Variants in ARHGAP28 observed in about 807,000 individuals in gnomAD.
ARHGAP28 encodes Rho GTPase activating protein 28.
A neutral mutation model predicts 90.7 loss-of-function variants in ARHGAP28; 56 were observed. The observed-to-expected ratio is 0.62, with a 90% confidence interval of 0.50 to 0.77. ARHGAP28 has a LOEUF of 0.77. Among genes scored for constraint, ARHGAP28 ranks in the 30% least tolerant of loss-of-function variants. The pLI, the probability that ARHGAP28 is intolerant of heterozygous loss-of-function variation, is 0.00. For synonymous variants in ARHGAP28, 308 were observed against 323.3 expected, an observed-to-expected ratio of 0.95 and a Z score of 0.51; for missense variants, 869 against 900.9, an observed-to-expected ratio of 0.96 and a Z score of 0.45.
chr18:6,827,518 C>T (rs1404546546), intron 2 of ARHGAP28, among the ~76,000 whole-genome samples: 9 of 138,118 alleles, frequency 6.5e-5, no homozygotes, highest in South Asian at 2.5e-4. Flanking sequence ...ACCTCCCGGA[C>T]GGGGCGGCTG....
intron 16 of ARHGAP28, among the ~76,000 whole-genome samples, chr18:6,903,490 C>G (rs1391367151): frequency 6.6e-6 from 1 of 151,982 alleles, no homozygotes; most frequent in Non-Finnish European, 1.5e-5. Context: ...ACAAACAAAG[C>G]CATACAAAGC....
chr18:6,878,805 G>T (rs1021388835), intron 10 of ARHGAP28, among the ~76,000 whole-genome samples: 1 of 152,156 alleles, frequency 6.6e-6, no homozygotes, highest in Middle Eastern at 3.2e-3. Flanking sequence ...AACAGAAACC[G>T]GGAAACACTG....
At chr18:6,772,478 A>G (rs920562443) in intron 1 of ARHGAP28, among the ~76,000 whole-genome samples, 4 of 152,218 alleles carry the variant, frequency 2.6e-5, no homozygotes, top group Non-Finnish European at 4.4e-5. Flanking sequence ...TGTAGAGACC[A>G]TACTTGGAGT....
intron 1 of ARHGAP28, among the ~76,000 whole-genome samples, chr18:6,814,347 T>G (rs1600209677): frequency 6.6e-6 from 1 of 152,138 alleles, no homozygotes; most frequent in East Asian, 1.9e-4. Flanking sequence ...ACCAAGCAGG[T>G]AGAGAGATTG....
chr18:6,798,789 A>G (rs2056461020), intron 1 of ARHGAP28, among the ~76,000 whole-genome samples: 1 of 152,204 alleles, frequency 6.6e-6, no homozygotes, highest in Non-Finnish European at 1.5e-5. Context: ...GAATTCAACC[A>G]TGTAACCAAA....
At chr18:6,814,247 G>C in intron 1 of ARHGAP28, among the ~76,000 whole-genome samples, 1 of 152,188 alleles carries the variant, frequency 6.6e-6, no homozygotes, top group East Asian at 1.9e-4. Flanking sequence ...GAGGGCCCAT[G>C]AGGAGGAAAG....
At chr18:6,760,188 G>T (rs1203161993) in intron 1 of ARHGAP28, among the ~76,000 whole-genome samples, 1 of 152,118 alleles carries the variant, frequency 6.6e-6, no homozygotes, top group Non-Finnish European at 1.5e-5. Context: ...TAGAAACATT[G>T]GGCCACTTTA....
rs931446273 is a variant in ARHGAP28 at position 6,884,092 on chromosome 18, C to T, written c.1453+1793C>T. Among the ~76,000 whole-genome samples, 14 of 151,774 alleles carry T rather than the reference C, an allele frequency of 9.2e-5. 1 individual carries two copies. The highest frequency in any genetic ancestry group is 2.0e-4 in the Admixed American group (3 of 15,244). On this transcript the variant is annotated intron_variant, in intron 11 of 17. Transcript: ENST00000383472. ...ATAGCTGCTTCAAAATCCTTGTTGGCGGCCAGGCGTGGGGGCTCACGCCTG... is the reference window on the plus strand; with the variant it reads ...ATAGCTGCTTCAAAATCCTTGTTGGTGGCCAGGCGTGGGGGCTCACGCCTG...
chr18:6,890,879 C>T (rs975431564), intron 14 of ARHGAP28, among the ~76,000 whole-genome samples: 1 of 152,184 alleles, frequency 6.6e-6, no homozygotes, highest in African/African-American at 2.4e-5. Context: ...AATCCAGTAT[C>T]CAAATGTCTA....
intron 12 of ARHGAP28, among the ~76,000 whole-genome samples, chr18:6,888,965 G>T (rs1468416484): frequency 1.3e-5 from 2 of 152,138 alleles, no homozygotes; most frequent in African/African-American, 2.4e-5. Flanking sequence ...CTGCTCAGCC[G>T]CACTCCACCT....
At chr18:6,792,858 T>C (rs1230037381) in intron 1 of ARHGAP28, among the ~76,000 whole-genome samples, 1 of 152,230 alleles carries the variant, frequency 6.6e-6, no homozygotes, top group African/African-American at 2.4e-5. Context: ...TGAATGTTGC[T>C]GTTCCTCTTA....
rs560151024 is a variant in ARHGAP28 at position 6,781,324 on chromosome 18, G to A, written c.123-43438G>A. Among the ~76,000 whole-genome samples the A allele has an allele frequency of 5.9e-5, 9 of 152,226 alleles. No individual in the cohort carries two copies. The South Asian group carries it at 1.7e-3, about 28-fold the overall frequency. On this transcript the variant is annotated intron_variant, in intron 1 of 17. Coordinates refer to ENST00000383472, the MANE Select transcript of ARHGAP28 (RefSeq NM_001366230.1). ...TGGCTCCCACCTGGGTCTCTGATAT[G>A]AGTTGAGCCTTCGTCCTGTTCCAGT...
chr18:6,909,201 C>G (rs1211803818), intron 17 of ARHGAP28, among the ~76,000 whole-genome samples, 177 bp downstream of exon 17: 1 of 152,004 alleles, frequency 6.6e-6, no homozygotes, highest in Non-Finnish European at 1.5e-5. Context: ...AAAATGTTTT[C>G]AAAATTTAAA....
At chr18:6,762,670 G>A (rs575041651) in intron 1 of ARHGAP28, among the ~76,000 whole-genome samples, 11 of 152,094 alleles carry the variant, frequency 7.2e-5, no homozygotes, top group African/African-American at 2.7e-4. Flanking sequence ...GCCTAATCTA[G>A]TATCCCATAC....
At chr18:6,759,984 A>C (rs2056145319) in intron 1 of ARHGAP28, among the ~76,000 whole-genome samples, 1 of 152,344 alleles carries the variant, frequency 6.6e-6, no homozygotes, top group South Asian at 2.1e-4. Context: ...CAGGAATTTT[A>C]GGAGAAACTT....
Position 6,812,750 on chromosome 18 carries a change from A to G in ARHGAP28, c.123-12012A>G, listed in dbSNP as rs189679740. 2.2e-3 allele frequency among the ~76,000 whole-genome samples: 335 copies of G among 152,306 alleles called. 1 individual carries two copies. The highest frequency in any genetic ancestry group is 7.3e-3 in the African/African-American group (305 of 41,568). ...CAGTGTGAAGTGTCAGCCACTATCAAATTATTTATTTGATTCTCCTTTGAC... is the reference window on the plus strand; with the variant it reads ...CAGTGTGAAGTGTCAGCCACTATCAGATTATTTATTTGATTCTCCTTTGAC... On this transcript the variant is annotated intron_variant, in intron 1 of 17. Transcript: ENST00000383472.
At chr18:6,849,009 G>A (rs2056887848) in intron 3 of ARHGAP28, among the ~76,000 whole-genome samples, 1 of 151,874 alleles carries the variant, frequency 6.6e-6, no homozygotes, top group South Asian at 2.1e-4. Flanking sequence ...TAGCACTTTT[G>A]GAGGCCAAGG....
chr18:6,742,187 A>G (rs983134166), intron 1 of ARHGAP28, among the ~76,000 whole-genome samples: 1 of 131,778 alleles, frequency 7.6e-6, no homozygotes, highest in Non-Finnish European at 1.7e-5. Context: ...TTTTTTTGAC[A>G]GAGTTTTTTG....
At chr18:6,750,937 C>G (rs1410177485) in intron 1 of ARHGAP28, among the ~76,000 whole-genome samples, 1 of 152,074 alleles carries the variant, frequency 6.6e-6, no homozygotes. Context: ...TTCCTTTATG[C>G]TACCAGTAAA....
Sources: gnomAD v4.1 joint callset for allele counts (sites outside exome capture counted in the v4.1 genomes callset) on GRCh38, gnomAD v4.1.1 for gene constraint, MANE v1.5 for transcripts, NCBI Gene and HGNC (gene_info 2026-07-23, HGNC 2026-07-21) for gene names.